The following XK variants were observed in gnomAD, a reference collection of about 807,000 sequenced individuals.
XK encodes the protein endoplasmic reticulum membrane adapter protein XK.
A neutral mutation model predicts 14.0 loss-of-function variants in XK; 2 were observed. The ratio of observed to expected loss-of-function variants is 0.14; its 90% CI spans 0.06 to 0.45. XK has a LOEUF of 0.45. Among genes scored for constraint, XK ranks in the 20% least tolerant of loss-of-function variants. The pLI, the probability that XK is intolerant of heterozygous loss-of-function variation, is 0.98. For synonymous variants in XK, 149 were observed against 147.5 expected, an observed-to-expected ratio of 1.01 and a Z score of -0.08; for missense variants, 235 against 341.5, an observed-to-expected ratio of 0.69 and a Z score of 2.46.
intron 1 of XK, among the ~76,000 whole-genome samples, chrX:37,692,018 A>G (rs1927213204): frequency 9.0e-6 from 1 of 111,581 alleles, no homozygotes; most frequent in Non-Finnish European, 1.9e-5. Flanking sequence ...TGGTATATGT[A>G]CTTCTATACC....
At position 37,727,623 on chromosome X, in the gene XK, C is replaced by G. The variant is rs186819181; in HGVS notation, c.509-13C>G. 52 of 1,195,391 alleles carry G rather than the reference C, an allele frequency of 4.4e-5. No homozygotes were observed. In the East Asian group the frequency reaches 1.4e-3, roughly 32 times the overall value. On this transcript the variant is annotated splice_polypyrimidine_tract_variant and intron_variant, in intron 2 of 2. Coordinates refer to ENST00000378616, the MANE Select transcript of XK (RefSeq NM_021083.4). The stretch of plus-strand genomic sequence containing the variant: ...GAGGTGAGACTTGATGATACTCTCT[C>G]TTTTCTCCCCAGGTCTCCTCATGAC...
intron 2 of XK, among the ~76,000 whole-genome samples, chrX:37,715,152 G>GTA (rs1436570936): frequency 9.1e-5 from 10 of 109,409 alleles, no homozygotes; most frequent in African/African-American, 3.0e-4. Flanking sequence ...GTGTGTGTGT[G>GTA]TATATATAGT....
At chrX:37,725,677 T>C (rs1927962058) in intron 2 of XK, among the ~76,000 whole-genome samples, 1 of 111,874 alleles carries the variant, frequency 8.9e-6, no homozygotes, top group Admixed American at 9.5e-5. Context: ...TTCATAACTG[T>C]CAAAACCTAG....
chrX:37,693,009 C>A (rs1019995614), intron 1 of XK, among the ~76,000 whole-genome samples: 1 of 110,971 alleles, frequency 9.0e-6, no homozygotes, highest in South Asian at 3.9e-4. Context: ...CTTCTTTCTC[C>A]TAGCAACAAA....
At chrX:37,723,050 C>A (rs1164670131) in intron 2 of XK, among the ~76,000 whole-genome samples, 1 of 111,270 alleles carries the variant, frequency 9.0e-6, no homozygotes, top group East Asian at 2.8e-4. Context: ...ATTGCCAAAG[C>A]CTTCCTTTTA....
chrX:37,724,867 G>A, intron 2 of XK, among the ~76,000 whole-genome samples: 2 of 110,088 alleles, frequency 1.8e-5, no homozygotes, highest in Non-Finnish European at 1.9e-5. Context: ...CCTTGCCAAA[G>A]ATGGACAAGA....
chrX:37,710,515 G>A lies in XK; in HGVS notation c.508+15967G>A, dbSNP rs1927641957. 2.7e-5 allele frequency among the ~76,000 whole-genome samples: 3 copies of A among 111,780 alleles called. No homozygotes were observed. In the South Asian group the frequency reaches 1.1e-3, roughly 42 times the overall value. On this transcript the variant is annotated intron_variant, in intron 2 of 2. Transcript: ENST00000378616. ...TGTAAGGAAATGAACAGATGTTATG[G>A]CCGGGCGTGGTGGCTCACACCTGTA...
At chrX:37,702,853 G>A (rs1441557754) in intron 2 of XK, among the ~76,000 whole-genome samples, 1 of 112,500 alleles carries the variant, frequency 8.9e-6, no homozygotes, top group Non-Finnish European at 1.9e-5. Context: ...TATCATTGGG[G>A]TAGGACCAGT....
chrX:37,688,267 C>T (rs989173631), intron 1 of XK, among the ~76,000 whole-genome samples: 1 of 109,202 alleles, frequency 9.2e-6, no homozygotes, highest in Non-Finnish European at 1.9e-5. Flanking sequence ...GGGGTTTCAC[C>T]GTGCCAGCCA....
chrX:37,711,853 G>C lies in XK; in HGVS notation c.509-15783G>C, dbSNP rs577146813. Reference sequence around the variant, plus strand: ...TCACAGATGATGTGACAGAATTGAAGGGTAAGCATGTTTGAGGTTTGTGCA... The same window carrying C: ...TCACAGATGATGTGACAGAATTGAACGGTAAGCATGTTTGAGGTTTGTGCA... On this transcript the variant is annotated intron_variant, in intron 2 of 2. Coordinates refer to ENST00000378616, the MANE Select transcript of XK (RefSeq NM_021083.4). Among the ~76,000 whole-genome samples, 54 of 111,718 alleles carry C rather than the reference G, an allele frequency of 4.8e-4. No homozygotes were observed. The South Asian group carries it at 0.021, about 42-fold the overall frequency.
intron 2 of XK, among the ~76,000 whole-genome samples, chrX:37,706,840 C>G (rs1389320346): frequency 9.2e-6 from 1 of 109,189 alleles, no homozygotes; most frequent in Non-Finnish European, 1.9e-5. Flanking sequence ...TGACTCTTAA[C>G]GAGCATGCTG....
At position 37,686,005 on chromosome X, in the gene XK, T is replaced by C; in HGVS notation, c.44T>C (p.Val15Ala). 8.3e-7 allele frequency: 1 copy of C among 1,208,420 alleles called. No homozygotes were observed. Among genetic ancestry groups the C allele is most frequent in the Non-Finnish European group, 1.1e-6 (1 of 894,211 alleles). Reference protein sequence around the residue: ...ASVLASVFLFVAETTAALSLS... With the variant: ...ASVLASVFLFAAETTAALSLS... ...GTGCTGGCGTCCGTGTTCCTGTTCG[T>C]GGCCGAGACAACGGCGGCGCTCAGC... Residue 15 changes from valine (V) to alanine (A), a missense_variant, in exon 1 of 3, where the codon GTG becomes GCG. Coordinates refer to ENST00000378616, the MANE Select transcript of XK (RefSeq NM_021083.4).
At position 37,728,277 on chromosome X, in the gene XK, G is replaced by A; in HGVS notation, c.1150G>A (p.Val384Ile). 1 of 1,211,268 alleles carries A rather than the reference G, an allele frequency of 8.3e-7. No homozygotes were observed. The highest frequency in any genetic ancestry group is 1.8e-5 in the South Asian group (1 of 56,961). Residue 384 changes from valine to isoleucine, a missense_variant, in exon 3 of 3, where the codon GTT becomes ATT. By Grantham distance (29) the Val-to-Ile change is conservative. Transcript: ENST00000378616. ...TTGCAAAAAGCTCTTTTCTTCCAGT[G>A]TTTCTGAAGGCTTTCAGAGGTGGCT... The part of the protein sequence containing the change: ...HPCKKLFSSS[V>I]SEGFQRWLRC...
chrX:37,726,770 G>A (rs782818052), intron 2 of XK, among the ~76,000 whole-genome samples: 6 of 111,852 alleles, frequency 5.4e-5, no homozygotes, highest in African/African-American at 1.9e-4. Context: ...AAACACTAAG[G>A]ACTTTCAGCC....
intron 1 of XK, among the ~76,000 whole-genome samples, chrX:37,690,366 A>G (rs782091515): frequency 2.4e-4 from 27 of 112,232 alleles, no homozygotes; most frequent in African/African-American, 8.4e-4. Flanking sequence ...TCATGTGAAG[A>G]TAATGTGGCT....
chrX:37,686,291 C>A lies in XK; in HGVS notation c.245+85C>A, dbSNP rs1227809848. ...CCCCACCTGCTCGAGTGGAGGGAGG[C>A]GGTTTTCCTGTGGAGACAGGTGGCT... On this transcript the variant is annotated intron_variant, in intron 1 of 2. Transcript: ENST00000378616. 3.5e-6 allele frequency: 4 copies of A among 1,156,993 alleles called. No individual in the cohort carries two copies. The African/African-American group carries it at 5.3e-5, about 15-fold the overall frequency.
At chrX:37,724,873 C>T (rs1927947090) in intron 2 of XK, among the ~76,000 whole-genome samples, 1 of 109,854 alleles carries the variant, frequency 9.1e-6, no homozygotes, top group Non-Finnish European at 1.9e-5. Context: ...CAAAGATGGA[C>T]AAGATGGCAA....
chrX:37,720,807 A>G (rs1300700481), intron 2 of XK, among the ~76,000 whole-genome samples: 3 of 111,341 alleles, frequency 2.7e-5, no homozygotes, highest in Admixed American at 9.5e-5. Context: ...TTCACCTAGG[A>G]TAATGGCCTC....
At position 37,728,383 on chromosome X, in the gene XK, G is replaced by A. The variant is rs1928021646; in HGVS notation, c.1256G>A (p.Arg419Lys). ...GAAGATCTACAGTCATCCAGAGATA[G>A]AGATGAGACACCTTCTAGCAGTAAA... ...GKEDLQSSRD[R>K]DETPSSSKTS... The change falls in exon 3 of 3, where the codon AGA becomes AAA. Residue 419 changes from arginine (R) to lysine (K), a missense_variant. Physicochemically the swap from Arg to Lys is conservative, Grantham distance 26. Coordinates refer to ENST00000378616, the MANE Select transcript of XK (RefSeq NM_021083.4). The A allele has an allele frequency of 8.3e-7, 1 of 1,208,979 alleles. No homozygotes were observed. Among genetic ancestry groups the A allele is most frequent in the Non-Finnish European group, 1.1e-6 (1 of 895,147 alleles).
Sources: allele counts gnomAD v4.1 joint callset (sites outside exome capture counted in the v4.1 genomes callset), GRCh38; gene constraint gnomAD v4.1.1; transcripts MANE v1.5; gene names NCBI Gene and HGNC (gene_info 2026-07-23, HGNC 2026-07-21).